The following PHGDH variants were observed in gnomAD, a reference collection of about 807,000 sequenced individuals.
The protein encoded by PHGDH is phosphoglycerate dehydrogenase.
In PHGDH, 50 loss-of-function variants were observed where a neutral mutation model predicts 52.6. That is an observed-to-expected ratio of 0.95 (90% CI 0.76 to 1.20). The LOEUF is 1.20. Ranked by LOEUF, PHGDH falls within the 50% of genes most tolerant of loss-of-function variation. The probability of loss-of-function intolerance (pLI) is 0.00; values close to 1 mark genes in which losing one functional copy is unlikely to be tolerated. For synonymous variants in PHGDH, 271 were observed against 280.5 expected (o/e 0.97, Z 0.34); for missense variants, 630 against 684.6 (o/e 0.92, Z 0.89).
Position 119,723,457 on chromosome 1 carries a change from C to G in PHGDH, c.356+16C>G. 6.3e-7 allele frequency: 1 copy of G among 1,594,392 alleles called. No individual in the cohort carries two copies. Among genetic ancestry groups the G allele is most frequent in the Non-Finnish European group, 8.6e-7 (1 of 1,162,064 alleles). On this transcript the variant is annotated intron_variant, in intron 3 of 11. Coordinates refer to ENST00000641023, the MANE Select transcript of PHGDH (RefSeq NM_006623.4). Reference sequence around the variant, plus strand: ...GCCTGGCCAGGTAAGTCCCTGACTTCTCAGCAAAGCTAGTCTCTCCGATAT... The same window carrying G: ...GCCTGGCCAGGTAAGTCCCTGACTTGTCAGCAAAGCTAGTCTCTCCGATAT...
chr1:119,717,216 G>A (rs913344561), intron 1 of PHGDH, among the ~76,000 whole-genome samples: 19 of 83,530 alleles, frequency 2.3e-4, no homozygotes, highest in African/African-American at 9.4e-4. Context: ...TGGGCAATAA[G>A]AGTGAAACTC....
intron 5 of PHGDH, among the ~76,000 whole-genome samples, chr1:119,729,292 T>G (rs1651585267): frequency 6.6e-6 from 1 of 152,190 alleles, no homozygotes; most frequent in South Asian, 2.1e-4. Flanking sequence ...CCATCCTCTT[T>G]TGTAAGGGAT....
chr1:119,723,505 G>A, intron 3 of PHGDH, 64 bp downstream of exon 3: 2 of 1,262,512 alleles, frequency 1.6e-6, no homozygotes, highest in East Asian at 2.3e-5. Flanking sequence ...CACTTGCCAA[G>A]CAAATGGACC....
chr1:119,740,500 A>C lies in PHGDH; in HGVS notation c.1060A>C (p.Ile354Leu), dbSNP rs1571017529. 6.3e-7 allele frequency: 1 copy of C among 1,583,858 alleles called. No individual in the cohort carries two copies. ...RAWAGSPKGTIQVITQGTSLK... is the reference protein window; with the variant it reads ...RAWAGSPKGTLQVITQGTSLK... ...CTGGGCTGGGTCCCCCAAAGGGACC[A>C]TCCAGGTGATAACACAGGGTGAGCT... Residue 354 changes from isoleucine to leucine, a missense_variant, in exon 9 of 12, where the codon ATC becomes CTC. Ile to Leu is a conservative substitution (Grantham distance 5). Transcript: ENST00000641023.
chr1:119,711,983 C>G lies in PHGDH; in HGVS notation c.-40C>G. The stretch of plus-strand genomic sequence containing the variant: ...GAACCGCAGCTTCTTGGCTTAGGTA[C>G]TTCTACTCACAGCGGCCGATTCCGA... On this transcript the variant is annotated 5_prime_UTR_variant, in exon 1 of 12. Transcript: ENST00000641023. The G allele has an allele frequency of 6.2e-7, 1 of 1,612,522 alleles. No individual in the cohort carries two copies. The highest frequency in any genetic ancestry group is 8.5e-7 in the Non-Finnish European group (1 of 1,179,354).
At chr1:119,736,141 A>C (rs930614952) in intron 7 of PHGDH, among the ~76,000 whole-genome samples, 2 of 152,176 alleles carry the variant, frequency 1.3e-5, no homozygotes, top group African/African-American at 4.8e-5. Flanking sequence ...GTGTCCTTGG[A>C]AGGTCACTGG....
chr1:119,728,491 C>T (rs944773691), intron 5 of PHGDH, among the ~76,000 whole-genome samples: 10 of 152,274 alleles, frequency 6.6e-5, no homozygotes, highest in Admixed American at 1.3e-4. Flanking sequence ...GACCTCACAC[C>T]GGTCTCAGAA....
At chr1:119,726,128 A>G (rs1289077202) in intron 3 of PHGDH, among the ~76,000 whole-genome samples, 1 of 151,984 alleles carries the variant, frequency 6.6e-6, no homozygotes, top group African/African-American at 2.4e-5. Context: ...GAAAACACAG[A>G]TGTAGACTCA....
chr1:119,721,016 A>G, intron 1 of PHGDH, 154 bp from the exon 2 acceptor site: 1 of 771,728 alleles, frequency 1.3e-6, no homozygotes, highest in South Asian at 1.4e-5. Flanking sequence ...TTCCCTAGTG[A>G]GTATACCAAA....
rs587768368 is a variant in PHGDH at position 119,717,374 on chromosome 1, C to A, written c.139-3796C>A. ...CACTACTTGCTTTTGTTTATGGGAT[C>A]TTTTTCCATGCAGAAGTTTAAAATT... is the stretch of plus-strand genomic sequence containing the variant. On this transcript the variant is annotated intron_variant, in intron 1 of 11. Coordinates refer to ENST00000641023, the MANE Select transcript of PHGDH (RefSeq NM_006623.4). 6.7e-5 allele frequency among the ~76,000 whole-genome samples: 10 copies of A among 148,866 alleles called. 1 individual carries two copies. The South Asian group carries it at 2.2e-3, about 32-fold the overall frequency.
At chr1:119,732,474 G>T (rs1255236800) in intron 5 of PHGDH, among the ~76,000 whole-genome samples, 1 of 152,140 alleles carries the variant, frequency 6.6e-6, no homozygotes, top group Non-Finnish European at 1.5e-5. Context: ...CCCTTTCCAG[G>T]ACACACCAGG....
chr1:119,731,072 A>G (rs951212194), intron 5 of PHGDH, among the ~76,000 whole-genome samples: 1 of 152,222 alleles, frequency 6.6e-6, no homozygotes. Flanking sequence ...ATGTAGAAGC[A>G]TTTGTCAAAA....
chr1:119,718,621 C>T (rs1476109134), intron 1 of PHGDH, among the ~76,000 whole-genome samples: 1 of 152,130 alleles, frequency 6.6e-6, no homozygotes, highest in Non-Finnish European at 1.5e-5. Flanking sequence ...GGCAGGTTAC[C>T]TCTCAAAGCC....
chr1:119,726,678 T>G (rs1651434736), intron 3 of PHGDH, 173 bp from the exon 4 acceptor site: 2 of 674,046 alleles, frequency 3.0e-6, no homozygotes, highest in Admixed American at 4.3e-5. Context: ...CAAGGGTTTC[T>G]CTCTTCTGTT....
Position 119,741,800 on chromosome 1 carries a change from G to T in PHGDH, c.1112G>T (p.Ser371Ile), listed in dbSNP as rs113884419. ...TSLKNAGNCL[S>I]PAVIVGLLKE... ...CTGAAGAATGCTGGGAACTGCCTAA[G>T]CCCCGCAGTCATTGTCGGCCTCCTG... Residue 371 changes from serine (S) to isoleucine (I), a missense_variant, in exon 10 of 12, where the codon AGC (serine) becomes ATC (isoleucine). Physicochemically the swap from Ser to Ile is moderately radical, Grantham distance 142 (BLOSUM62 -2). Transcript: ENST00000641023. The T allele has an allele frequency of 3.7e-6, 6 of 1,612,612 alleles. No individual in the cohort carries two copies. Among genetic ancestry groups the T allele is most frequent in the Non-Finnish European group, 5.1e-6 (6 of 1,178,728 alleles).
intron 1 of PHGDH, 58 bp from the exon 2 acceptor site, chr1:119,721,112 C>T (rs746597765): frequency 7.8e-5 from 120 of 1,531,236 alleles, no homozygotes; most frequent in Non-Finnish European, 9.8e-5. Flanking sequence ...GATGTGCCTG[C>T]GGCTTTACGA....
intron 1 of PHGDH, chr1:119,712,443 A>G: frequency 2.4e-6 from 1 of 413,146 alleles, no homozygotes; most frequent in South Asian, 2.2e-5. Flanking sequence ...CTGGTCCTGC[A>G]GGCTGCTCGC....
rs1651790440 is a variant in PHGDH at position 119,733,432 on chromosome 1, C to G, written c.511-1202C>G. On this transcript the variant is annotated intron_variant, in intron 5 of 11. Coordinates refer to ENST00000641023, the MANE Select transcript of PHGDH (RefSeq NM_006623.4). The stretch of plus-strand genomic sequence containing the variant: ...CTTGGCTCACTGCAGCCTCAACCTC[C>G]TAGGCCCAAGTGATCCTCCTGCCTC... 2.6e-5 allele frequency among the ~76,000 whole-genome samples: 4 copies of G among 151,400 alleles called. No individual in the cohort carries two copies. In the South Asian group the frequency reaches 8.4e-4, roughly 32 times the overall value.
chr1:119,713,854 G>A (rs1650807733), intron 1 of PHGDH, among the ~76,000 whole-genome samples: 1 of 152,162 alleles, frequency 6.6e-6, no homozygotes, highest in Middle Eastern at 3.2e-3. Context: ...ACCCCAGTGA[G>A]GGGGTGGGGA....
Sources: gnomAD v4.1 joint callset for allele counts (sites outside exome capture counted in the v4.1 genomes callset) on GRCh38, gnomAD v4.1.1 for gene constraint, MANE v1.5 for transcripts, NCBI Gene and HGNC (gene_info 2026-07-23, HGNC 2026-07-21) for gene names.